Variants in ZC3H18 observed in about 807,000 individuals in gnomAD.
The protein encoded by ZC3H18 is zinc finger CCCH-type containing 18.
In ZC3H18, 8 loss-of-function variants were observed where a neutral mutation model predicts 106.1. That is an observed-to-expected ratio of 0.08 (90% confidence interval 0.04 to 0.14). The LOEUF is 0.14. ZC3H18 is among the 10% of genes least tolerant of loss of function. The probability of loss-of-function intolerance (pLI) is 1.00; values close to 1 mark genes in which losing one functional copy is unlikely to be tolerated. For synonymous variants in ZC3H18, 635 were observed against 522.1 expected, an observed-to-expected ratio of 1.22 and a Z score of -2.95; for missense variants, 1,318 against 1,278.4, an observed-to-expected ratio of 1.03 and a Z score of -0.47.
chr16:88,582,181 A>G (rs1243836767), intron 2 of ZC3H18, among the ~76,000 whole-genome samples: 1 of 78,714 alleles, frequency 1.3e-5, no homozygotes, highest in African/African-American at 5.3e-5. Context: ...GGTCTTTAAT[A>G]TTTTCTCCTG....
At chr16:88,595,213 A>G (rs1485137396) in intron 3 of ZC3H18, among the ~76,000 whole-genome samples, 6 of 152,328 alleles carry the variant, frequency 3.9e-5, no homozygotes, top group South Asian at 2.1e-4. Context: ...TCCAGTTAAG[A>G]AAAAGACCAT....
intron 2 of ZC3H18, among the ~76,000 whole-genome samples, chr16:88,586,109 G>A (rs968614274): frequency 3.3e-5 from 5 of 152,164 alleles, no homozygotes; most frequent in Non-Finnish European, 5.9e-5. Context: ...GACAGTCAGG[G>A]TGAGGAGCTG....
rs74978259 is a variant in ZC3H18 at position 88,586,422 on chromosome 16, C to T, written c.604-178C>T. ...GCGGGATGCTTAGAGCTGCCGGGCA[C>T]GCTCTGATCATCCCTGCTATGTAGA... is the stretch of plus-strand genomic sequence containing the variant. On this transcript the variant is annotated intron_variant, in intron 2 of 17. Coordinates refer to ENST00000301011, the MANE Select transcript of ZC3H18 (RefSeq NM_144604.4). 3.1e-3 allele frequency among the ~76,000 whole-genome samples: 471 copies of T among 152,274 alleles called. 3 individuals carry two copies. Among genetic ancestry groups the T allele is most frequent in the African/African-American group, 0.01 (432 of 41,538 alleles).
chr16:88,579,413 C>T (rs572698890), intron 2 of ZC3H18, among the ~76,000 whole-genome samples: 1 of 152,270 alleles, frequency 6.6e-6, no homozygotes, highest in African/African-American at 2.4e-5. Flanking sequence ...GCTCTAGTTC[C>T]TCTTAAGAGG....
intron 4 of ZC3H18, 132 bp from the exon 5 acceptor site, chr16:88,598,488 G>T: frequency 6.9e-7 from 1 of 1,452,586 alleles, no homozygotes; most frequent in Middle Eastern, 1.9e-4. Context: ...TCCGAGGACG[G>T]AGTGAGGCTT....
intron 2 of ZC3H18, among the ~76,000 whole-genome samples, chr16:88,583,874 C>A (rs1915283973): frequency 6.6e-6 from 1 of 152,154 alleles, no homozygotes; most frequent in South Asian, 2.1e-4. Flanking sequence ...CTGCTTCCTA[C>A]TCTCTGTGGC....
At chr16:88,609,440 C>T (rs1292014067) in intron 7 of ZC3H18, among the ~76,000 whole-genome samples, 1 of 151,318 alleles carries the variant, frequency 6.6e-6, no homozygotes, top group Non-Finnish European at 1.5e-5. Flanking sequence ...TGGGACCACA[C>T]GCATGCACCA....
intron 1 of ZC3H18, among the ~76,000 whole-genome samples, chr16:88,571,227 C>T (rs771246083): frequency 6.6e-6 from 1 of 152,238 alleles, no homozygotes; most frequent in Non-Finnish European, 1.5e-5. Flanking sequence ...TTTATGACAA[C>T]TGAGTTTGCC....
intron 1 of ZC3H18, chr16:88,571,567 A>C (rs1334308951): frequency 3.5e-5 from 34 of 964,248 alleles, no homozygotes; most frequent in Non-Finnish European, 3.8e-5. Context: ...CCAGCCCTGG[A>C]ACCAGTCAAA....
At chr16:88,625,095 C>G (rs1906219295) in intron 12 of ZC3H18, 107 bp from the exon 13 acceptor site, 1 of 1,331,990 alleles carries the variant, frequency 7.5e-7, no homozygotes, top group East Asian at 2.5e-5. Flanking sequence ...AAGGTGGTAG[C>G]AAGGCCAGTC....
chr16:88,607,739 G>A (rs1905082479), intron 6 of ZC3H18, among the ~76,000 whole-genome samples: 1 of 150,440 alleles, frequency 6.6e-6, no homozygotes, highest in Admixed American at 6.6e-5. Context: ...ATGTCTCTCA[G>A]GCATCTCCCC....
rs146040550 is a variant in ZC3H18 at position 88,602,788 on chromosome 16, T to C, written c.1088+2840T>C. Among the ~76,000 whole-genome samples the C allele has an allele frequency of 1.6e-3, 237 of 152,294 alleles. 1 individual carries two copies. The highest frequency in any genetic ancestry group is 2.8e-3 in the Non-Finnish European group (189 of 68,030). On this transcript the variant is annotated intron_variant, in intron 6 of 17. Transcript: ENST00000301011. ...TGAGCCTCCTAAGTTGCTGGGAATA[T>C]AGACGTTAGCCACCTGATGTTGAGT...
At chr16:88,604,156 A>G (rs1365283087) in intron 6 of ZC3H18, among the ~76,000 whole-genome samples, 2 of 152,136 alleles carry the variant, frequency 1.3e-5, no homozygotes, top group Non-Finnish European at 1.5e-5. Flanking sequence ...GTTGAAGACC[A>G]GTCTGGACAA....
chr16:88,621,084 G>A (rs1217071923), intron 8 of ZC3H18, among the ~76,000 whole-genome samples: 2 of 152,096 alleles, frequency 1.3e-5, no homozygotes, highest in South Asian at 2.1e-4. Flanking sequence ...TTGCTCTGTC[G>A]CCCAGATTGG....
chr16:88,605,379 G>C (rs898497530), intron 6 of ZC3H18, among the ~76,000 whole-genome samples: 1 of 152,264 alleles, frequency 6.6e-6, no homozygotes, highest in African/African-American at 2.4e-5. Context: ...CAACAGGAAC[G>C]TGGGCAACAG....
chr16:88,587,245 C>T (rs1206146494), intron 3 of ZC3H18, among the ~76,000 whole-genome samples: 1 of 152,162 alleles, frequency 6.6e-6, no homozygotes, highest in Non-Finnish European at 1.5e-5. Context: ...AAAGTCTGGG[C>T]TGACCCATTT....
intron 3 of ZC3H18, among the ~76,000 whole-genome samples, chr16:88,587,164 G>T (rs1266535032): frequency 2.6e-5 from 4 of 152,208 alleles, no homozygotes; most frequent in Non-Finnish European, 4.4e-5. Context: ...AAGGCAGCAG[G>T]GCTCTCTCCT....
rs1906684713 is a variant in ZC3H18, at chr16:88,631,424, T to C, written c.*125T>C. 1 of 1,347,660 alleles carries C rather than the reference T, an allele frequency of 7.4e-7. No individual in the cohort carries two copies. The highest frequency in any genetic ancestry group is 1.0e-6 in the Non-Finnish European group (1 of 992,146). 83.5% of individuals were successfully genotyped at this position (1,347,660 alleles called of 1,614,324 possible). A position where few individuals can be genotyped will look rare whatever the true frequency, so the allele number is the denominator to read the frequency against. ...AAAAAGTAAAAAAGAAAAAAAAGTT[T>C]CTCAGCTGGAAAAGAAGCCACACAG... is the stretch of plus-strand genomic sequence containing the variant. On this transcript the variant is annotated 3_prime_UTR_variant, in exon 18 of 18. Transcript: ENST00000301011.
rs34829088 is a variant in ZC3H18, at chr16:88,577,225, C to A, written c.102C>A (p.Ser34=). The A allele has an allele frequency of 1.2e-6, 2 of 1,612,574 alleles. No homozygotes were observed. Among genetic ancestry groups the A allele is most frequent in the South Asian group, 2.2e-5 (2 of 90,922 alleles). ...ATGACATTCTGAGGGACAGCGGGTC[C>A]GATCAGGATTTGGACGGGGCGGGGG... ...SDDDILRDSG[S]DQDLDGAGVR... Residue 34 remains serine, a synonymous_variant, in exon 2 of 18, where the codon TCC becomes TCA. Transcript: ENST00000301011.
Sources: gnomAD v4.1 joint callset for allele counts (sites outside exome capture counted in the v4.1 genomes callset) on GRCh38, gnomAD v4.1.1 for gene constraint, MANE v1.5 for transcripts, NCBI Gene and HGNC (gene_info 2026-07-23, HGNC 2026-07-21) for gene names.